The following CHL1 variants were observed in gnomAD, a reference collection of about 807,000 sequenced individuals.
CHL1 encodes cell adhesion molecule L1 like, also known as neural cell adhesion molecule L1-like protein.
CHL1 carries 96 observed loss-of-function variants against 141.9 expected under a neutral mutation model. The observed-to-expected ratio is 0.68, with a 90% CI of 0.57 to 0.80. The LOEUF is 0.80. CHL1 is among the 30% of genes least tolerant of loss of function. CHL1 has a pLI of 0.00. For missense variants in CHL1, 1,820 were observed against 1,457.2 expected (o/e 1.25, Z -4.05); for synonymous variants, 613 against 502.2 (o/e 1.22, Z -2.95).
intron 1 of CHL1, among the ~76,000 whole-genome samples, chr3:221,174 T>C (rs1480411214): frequency 6.6e-6 from 1 of 152,222 alleles, no homozygotes; most frequent in Non-Finnish European, 1.5e-5. Context: ...TTATTTCTCC[T>C]TAAAATGGAT....
intron 5 of CHL1, among the ~76,000 whole-genome samples, chr3:328,622 A>C (rs1337946955): frequency 2.0e-5 from 3 of 152,164 alleles, no homozygotes; most frequent in Non-Finnish European, 4.4e-5. Context: ...GATGAGAATT[A>C]AACATATTAT....
intron 5 of CHL1, among the ~76,000 whole-genome samples, chr3:335,989 T>A (rs949795494): frequency 1.3e-5 from 2 of 152,232 alleles, no homozygotes; most frequent in Admixed American, 1.3e-4. Context: ...TCATGTGAAA[T>A]ATTTAAATTT....
intron 2 of CHL1, among the ~76,000 whole-genome samples, chr3:270,170 C>T (rs1285857248): frequency 1.3e-5 from 2 of 151,894 alleles, no homozygotes; most frequent in Non-Finnish European, 2.9e-5. Flanking sequence ...GTTTTAGTGA[C>T]AGAAGGTGAC....
intron 14 of CHL1, among the ~76,000 whole-genome samples, chr3:365,118 A>T (rs560979325): frequency 6.6e-6 from 1 of 152,314 alleles, no homozygotes; most frequent in Non-Finnish European, 1.5e-5. Context: ...CCAATATCAG[A>T]GTATAATTAT....
chr3:380,388 G>C (rs1200621183), intron 16 of CHL1, among the ~76,000 whole-genome samples: 1 of 152,156 alleles, frequency 6.6e-6, no homozygotes, highest in Non-Finnish European at 1.5e-5. Context: ...CCATTGAAAG[G>C]CTACATTAGA....
At chr3:357,372 A>G (rs980818975) in intron 11 of CHL1, among the ~76,000 whole-genome samples, 1 of 152,306 alleles carries the variant, frequency 6.6e-6, no homozygotes, top group South Asian at 2.1e-4. Flanking sequence ...AATGATTGCT[A>G]TTATTGATTA....
intron 2 of CHL1, among the ~76,000 whole-genome samples, chr3:259,328 G>A (rs1574886590): frequency 6.6e-6 from 1 of 150,898 alleles, no homozygotes; most frequent in Non-Finnish European, 1.5e-5. Flanking sequence ...GCATGCGTGT[G>A]TGTGTGTGTG....
intron 2 of CHL1, among the ~76,000 whole-genome samples, chr3:297,184 C>G (rs1698268092): frequency 6.6e-6 from 1 of 151,998 alleles, no homozygotes; most frequent in East Asian, 1.9e-4. Flanking sequence ...TGTGATCACA[C>G]TACTACACTT....
intron 19 of CHL1, among the ~76,000 whole-genome samples, 158 bp from the exon 20 acceptor site, chr3:389,092 CTT>C (rs1424112858): frequency 2.0e-5 from 3 of 152,170 alleles, no homozygotes; most frequent in African/African-American, 7.2e-5. Flanking sequence ...GATGACAAAA[CTT>C]TTTCACAACT....
chr3:229,987 C>A (rs1701716138), intron 1 of CHL1, among the ~76,000 whole-genome samples: 1 of 152,094 alleles, frequency 6.6e-6, no homozygotes. Flanking sequence ...TAGGGTGGAT[C>A]TTCTCTCCTT....
chr3:405,704 G>C lies in CHL1; in HGVS notation c.3668G>C (p.Arg1223Pro). ...NGSSTATFPL[R>P]A The stretch of plus-strand genomic sequence containing the variant: ...AGTTCTACAGCAACTTTTCCCCTTC[G>C]GGCATAAACACAACATATGTAAGCA... Residue 1223 changes from arginine to proline, a missense_variant, in exon 28 of 28, where the codon CGG becomes CCG. Physicochemically the swap from Arg to Pro is moderately radical, Grantham distance 103. Coordinates refer to ENST00000256509, the MANE Select transcript of CHL1 (RefSeq NM_006614.4). 6.2e-7 allele frequency: 1 copy of C among 1,612,182 alleles called. No individual in the cohort carries two copies. The highest frequency in any genetic ancestry group is 8.5e-7 in the Non-Finnish European group (1 of 1,178,616).
chr3:198,838 T>C (rs1418945830), intron 1 of CHL1, among the ~76,000 whole-genome samples: 1 of 152,230 alleles, frequency 6.6e-6, no homozygotes, highest in African/African-American at 2.4e-5. Context: ...TACTGCACAG[T>C]CCAACTCCTA....
chr3:303,549 A>G (rs1488493668), intron 2 of CHL1, among the ~76,000 whole-genome samples: 1 of 152,102 alleles, frequency 6.6e-6, no homozygotes, highest in Non-Finnish European at 1.5e-5. Context: ...TTATTGGTGG[A>G]TAGGAATGCT....
Position 382,448 on chromosome 3 carries a change from T to C in CHL1, c.1979-26T>C, listed in dbSNP as rs367545413. The C allele has an allele frequency of 9.6e-5, 152 of 1,590,548 alleles. No individual in the cohort carries two copies. In the South Asian group the frequency reaches 1.0e-3, roughly 11 times the overall value. On this transcript the variant is annotated intron_variant, in intron 17 of 27. Transcript: ENST00000256509. ...CTTATCCATACTCCATACATTCTAA[T>C]ATTTTTTCCCTGTTTATACTACCAG... is the stretch of plus-strand genomic sequence containing the variant.
At chr3:348,610 GT>G (rs1360650368) in intron 9 of CHL1, among the ~76,000 whole-genome samples, 1 of 152,216 alleles carries the variant, frequency 6.6e-6, no homozygotes, top group East Asian at 1.9e-4. Context: ...GGTGGGGAAA[GT>G]TATCATGCTG....
rs1340424095 is a variant in CHL1 at position 382,294 on chromosome 3, G to T, written c.1978+14G>T. 1 of 1,607,384 alleles carries T rather than the reference G, an allele frequency of 6.2e-7. No homozygotes were observed. Among genetic ancestry groups the T allele is most frequent in the Non-Finnish European group, 8.5e-7 (1 of 1,174,440 alleles). Reference sequence around the variant, plus strand: ...GCAATATTAGCGGTAGGAAGACTTGGGATAACTGTTTTCATTACTCTAGAT... The same window carrying T: ...GCAATATTAGCGGTAGGAAGACTTGTGATAACTGTTTTCATTACTCTAGAT... On this transcript the variant is annotated intron_variant, in intron 17 of 27. Transcript: ENST00000256509.
intron 1 of CHL1, among the ~76,000 whole-genome samples, chr3:207,045 T>C (rs1699505326): frequency 1.3e-5 from 2 of 152,214 alleles, no homozygotes; most frequent in African/African-American, 4.8e-5. Flanking sequence ...GGCACTGTCT[T>C]TATTAGCAGC....
At chr3:241,507 G>A (rs1334891177) in intron 1 of CHL1, among the ~76,000 whole-genome samples, 1 of 151,926 alleles carries the variant, frequency 6.6e-6, no homozygotes, top group African/African-American at 2.4e-5. Context: ...TTTGCTGAGT[G>A]TACCCTCATA....
chr3:376,386 C>A (rs775744519), intron 15 of CHL1: 3 of 516,834 alleles, frequency 5.8e-6, no homozygotes, highest in Admixed American at 3.9e-5. Flanking sequence ...TGATTTGGAA[C>A]CTGGACTGAG....
Sources: gnomAD v4.1 joint callset for allele counts (sites outside exome capture counted in the v4.1 genomes callset) on GRCh38, gnomAD v4.1.1 for gene constraint, MANE v1.5 for transcripts, NCBI Gene and HGNC (gene_info 2026-07-23, HGNC 2026-07-21) for gene names.